The following CADM2 variants were observed in gnomAD, a reference collection of about 807,000 sequenced individuals.
The protein encoded by CADM2 is immunoglobulin superfamily member 4D.
A neutral mutation model predicts 49.8 loss-of-function variants in CADM2; 12 were observed. That is an observed-to-expected ratio of 0.24 (90% CI 0.15 to 0.39). The LOEUF is 0.39. Among genes scored for constraint, CADM2 ranks in the 10% least tolerant of loss-of-function variants. The pLI is 1.00. For synonymous variants in CADM2, 214 were observed against 175.4 expected, an observed-to-expected ratio of 1.22 and a Z score of -1.74; for missense variants, 378 against 492.3, an observed-to-expected ratio of 0.77 and a Z score of 2.20.
At position 85,834,069 on chromosome 3, in the gene CADM2, A is replaced by G. The variant is rs1484977910; in HGVS notation, c.238+31873A>G. Among the ~76,000 whole-genome samples the G allele has an allele frequency of 2.6e-5, 4 of 151,616 alleles. No homozygotes were observed. In the East Asian group the frequency reaches 5.8e-4, roughly 22 times the overall value. On this transcript the variant is annotated intron_variant, in intron 3 of 9. Coordinates refer to ENST00000383699, the MANE Select transcript of CADM2 (RefSeq NM_001167675.2). Reference sequence around the variant, plus strand: ...TATAGGATTTAAGTGCCAACCATCTATCAAATCTCTAATCTATTAAGACAA... The same window carrying G: ...TATAGGATTTAAGTGCCAACCATCTGTCAAATCTCTAATCTATTAAGACAA...
chr3:85,798,772 GA>G (rs893484447), intron 2 of CADM2, among the ~76,000 whole-genome samples: 1 of 152,066 alleles, frequency 6.6e-6, no homozygotes, highest in Non-Finnish European at 1.5e-5. Flanking sequence ...GGTTCCATAT[GA>G]AATTTAAAGT....
intron 4 of CADM2, among the ~76,000 whole-genome samples, chr3:85,885,801 G>A (rs1390117838): frequency 2.2e-5 from 3 of 138,420 alleles, no homozygotes; most frequent in Non-Finnish European, 4.5e-5. Flanking sequence ...GCAGTGAGCC[G>A]AGATCGAGCC....
At chr3:85,507,110 A>T (rs1375660886) in intron 1 of CADM2, among the ~76,000 whole-genome samples, 3 of 152,036 alleles carry the variant, frequency 2.0e-5, no homozygotes, top group African/African-American at 7.2e-5. Flanking sequence ...ATATTTGTAA[A>T]GTTATTTCTG....
chr3:86,050,385 C>T (rs972199984), intron 8 of CADM2, among the ~76,000 whole-genome samples: 2 of 152,286 alleles, frequency 1.3e-5, no homozygotes, highest in East Asian at 3.9e-4. Flanking sequence ...GTGTTGAGTG[C>T]CTGAAGCTTT....
rs1452513784 is a variant in CADM2 at position 85,444,408 on chromosome 3, GT to G, written c.62-282111del. 4.0e-5 allele frequency among the ~76,000 whole-genome samples: 6 copies of G among 150,956 alleles called. No homozygotes were observed. In the East Asian group the frequency reaches 1.2e-3, roughly 30 times the overall value. The stretch of plus-strand genomic sequence containing the variant: ...AAACTCACCTCCCACTGCTCTTCCA[GT>G]TTAGTAACTGGCTTCTTGTCTTTTC... On this transcript the variant is annotated intron_variant, in intron 1 of 9. Transcript: ENST00000383699.
chr3:85,854,946 A>T (rs1412462053), intron 3 of CADM2, among the ~76,000 whole-genome samples: 1 of 152,114 alleles, frequency 6.6e-6, no homozygotes, highest in East Asian at 1.9e-4. Flanking sequence ...TGAATGCATT[A>T]TGTAGAATTT....
At chr3:85,981,955 T>TA (rs1355029063) in intron 8 of CADM2, among the ~76,000 whole-genome samples, 1 of 151,784 alleles carries the variant, frequency 6.6e-6, no homozygotes, top group East Asian at 1.9e-4. Context: ...GTGACTGAAC[T>TA]AATTTATATT....
intron 1 of CADM2, among the ~76,000 whole-genome samples, chr3:85,433,664 G>A (rs955505714): frequency 1.4e-4 from 22 of 152,182 alleles, no homozygotes; most frequent in African/African-American, 4.6e-4. Context: ...ATATTGCCCC[G>A]TAGACCCTGA....
At position 85,930,251 on chromosome 3, in the gene CADM2, A is replaced by G. The variant is rs189426991; in HGVS notation, c.701-5516A>G. 3.9e-5 allele frequency among the ~76,000 whole-genome samples: 6 copies of G among 152,272 alleles called. No homozygotes were observed. The East Asian group carries it at 9.7e-4, about 25-fold the overall frequency. ...GAAAATTGTTACCTAATGATATCCA[A>G]TGCAGATTATTTGTAACAGAGAGTG... is the stretch of plus-strand genomic sequence containing the variant. On this transcript the variant is annotated intron_variant, in intron 6 of 9. Transcript: ENST00000383699.
intron 8 of CADM2, among the ~76,000 whole-genome samples, chr3:86,002,018 G>A (rs1340018748): frequency 2.0e-5 from 3 of 152,080 alleles, no homozygotes; most frequent in Non-Finnish European, 2.9e-5. Flanking sequence ...GGGAACAGAT[G>A]AGTGGATGAC....
chr3:85,438,545 A>G (rs561025577), intron 1 of CADM2, among the ~76,000 whole-genome samples: 1 of 152,292 alleles, frequency 6.6e-6, no homozygotes, highest in African/African-American at 2.4e-5. Context: ...GTTTGGTACC[A>G]TATTTGTGAA....
intron 1 of CADM2, 77 bp downstream of exon 1, chr3:84,959,745 C>T (rs987218547): frequency 2.3e-6 from 3 of 1,325,974 alleles, no homozygotes; most frequent in Non-Finnish European, 3.1e-6. Flanking sequence ...CATATTTCCA[C>T]TCTCCCCTCC....
In CADM2 at chr3:85,236,886, G is replaced by A. The variant is rs111876033; in HGVS notation, c.61+277218G>A. 3.9e-3 allele frequency among the ~76,000 whole-genome samples: 587 copies of A among 152,142 alleles called. 3 individuals carry two copies. The highest frequency in any genetic ancestry group is 0.013 in the African/African-American group (524 of 41,520). On this transcript the variant is annotated intron_variant, in intron 1 of 9. Coordinates refer to ENST00000383699, the MANE Select transcript of CADM2 (RefSeq NM_001167675.2). Reference sequence around the variant, plus strand: ...GACAGACAATTTCTTGTCTTAGGAGGTGAACTTCTGCTATGACTCAGTGAT... The same window carrying A: ...GACAGACAATTTCTTGTCTTAGGAGATGAACTTCTGCTATGACTCAGTGAT...
intron 8 of CADM2, among the ~76,000 whole-genome samples, chr3:85,991,392 C>T (rs952102405): frequency 6.6e-6 from 1 of 152,112 alleles, no homozygotes; most frequent in Non-Finnish European, 1.5e-5. Context: ...AGTTTTGCCT[C>T]TTCTATAGTA....
intron 1 of CADM2, among the ~76,000 whole-genome samples, chr3:85,394,567 A>T (rs903507069): frequency 2.6e-4 from 40 of 152,070 alleles, no homozygotes; most frequent in Non-Finnish European, 3.2e-4. Context: ...TGCTTTTTTT[A>T]AAAAAAGCTT....
At chr3:85,092,551 G>T (rs1304294005) in intron 1 of CADM2, among the ~76,000 whole-genome samples, 1 of 152,278 alleles carries the variant, frequency 6.6e-6, no homozygotes. Flanking sequence ...ATGAATAAAT[G>T]TAAGAATCAT....
intron 1 of CADM2, among the ~76,000 whole-genome samples, chr3:85,595,596 A>T (rs1308792896): frequency 1.3e-5 from 2 of 152,036 alleles, no homozygotes; most frequent in Non-Finnish European, 2.9e-5. Flanking sequence ...TGCAAAGTAT[A>T]GGAATTGTCC....
At chr3:85,612,636 C>T (rs576882009) in intron 1 of CADM2, among the ~76,000 whole-genome samples, 3 of 151,358 alleles carry the variant, frequency 2.0e-5, no homozygotes, top group African/African-American at 7.3e-5. Context: ...TACCATTATG[C>T]CAAATTTTAA....
At chr3:85,077,126 G>T (rs1221288783) in intron 1 of CADM2, among the ~76,000 whole-genome samples, 2 of 152,140 alleles carry the variant, frequency 1.3e-5, no homozygotes, top group African/African-American at 4.8e-5. Flanking sequence ...GAACATCTCA[G>T]AATTATTAAT....
Sources: allele counts gnomAD v4.1 joint callset (sites outside exome capture counted in the v4.1 genomes callset), GRCh38; gene constraint gnomAD v4.1.1; transcripts MANE v1.5; gene names NCBI Gene and HGNC (gene_info 2026-07-23, HGNC 2026-07-21).